SRFBP1: variants seen among roughly 807,000 people sequenced by gnomAD.
The protein encoded by SRFBP1 is serum response factor-binding protein 1.
Under a neutral mutation model 45.5 loss-of-function variants are expected in SRFBP1, and 47 were observed. The observed-to-expected ratio is 1.03, with a 90% CI of 0.82 to 1.32. SRFBP1 has a LOEUF of 1.32. Ranked by LOEUF, SRFBP1 falls within the 40% of genes most tolerant of loss-of-function variation. The probability of loss-of-function intolerance (pLI) is 0.00; values close to 1 mark genes in which losing one functional copy is unlikely to be tolerated. For missense variants in SRFBP1, 621 were observed against 484.6 expected (o/e 1.28, Z -2.64); for synonymous variants, 203 against 166.3 (o/e 1.22, Z -1.70).
intron 3 of SRFBP1, 98 bp from the exon 4 acceptor site, chr5:121,994,501 T>C: frequency 2.8e-6 from 2 of 723,062 alleles, no homozygotes; most frequent in Non-Finnish European, 4.6e-6. Context: ...AATTAAGATG[T>C]TATTTAATAT....
chr5:121,982,094 A>G (rs1752420609), intron 3 of SRFBP1, among the ~76,000 whole-genome samples: 1 of 151,944 alleles, frequency 6.6e-6, no homozygotes, highest in Admixed American at 6.6e-5. Context: ...TTGCTTATTA[A>G]GTATCAGAAA....
At chr5:121,976,015 A>C (rs988704772) in intron 3 of SRFBP1, among the ~76,000 whole-genome samples, 1 of 151,950 alleles carries the variant, frequency 6.6e-6, no homozygotes, top group African/African-American at 2.4e-5. Context: ...GAACTTAAAA[A>C]CAACATTTGG....
chr5:121,986,306 C>G (rs924961463), intron 3 of SRFBP1, among the ~76,000 whole-genome samples: 6 of 151,956 alleles, frequency 3.9e-5, no homozygotes, highest in African/African-American at 1.4e-4. Flanking sequence ...TTAGATTTAG[C>G]AGCGTGGAGA....
Position 122,020,091 on chromosome 5 carries a change from C to A in SRFBP1, c.356C>A (p.Ala119Asp). The A allele has an allele frequency of 6.5e-7, 1 of 1,543,402 alleles. No individual in the cohort carries two copies. The highest frequency in any genetic ancestry group is 1.3e-5 in the South Asian group (1 of 77,912). ...TGATGCACTGTTTCTCTTGCAGCTG[C>A]TGTACAAGCCTTTAAAGAAGCAAGA... is the stretch of plus-strand genomic sequence containing the variant. ...LKKKIDVLKAAVQAFKEARQN... is the reference protein window; with the variant it reads ...LKKKIDVLKADVQAFKEARQN... Residue 119 changes from alanine to aspartate, a missense_variant, in exon 6 of 8, where the codon GCT (alanine) becomes GAT (aspartate). Ala to Asp is a moderately radical substitution (Grantham distance 126, BLOSUM62 -2). Coordinates refer to ENST00000339397, the MANE Select transcript of SRFBP1 (RefSeq NM_152546.3).
intron 2 of SRFBP1, among the ~76,000 whole-genome samples, chr5:122,046,478 G>C (rs1451220027): frequency 6.6e-6 from 1 of 152,076 alleles, no homozygotes; most frequent in African/African-American, 2.4e-5. Flanking sequence ...CCAAGTCTTT[G>C]CTATTGTGAA....
At chr5:122,062,498 A>G (rs1426117446) in intron 2 of SRFBP1, among the ~76,000 whole-genome samples, 1 of 152,038 alleles carries the variant, frequency 6.6e-6, no homozygotes, top group African/African-American at 2.4e-5. Context: ...TGCTTGAAAC[A>G]CTGTATGCTG....
chr5:122,031,152 A>C (rs1034106243), downstream of SRFBP1, among the ~76,000 whole-genome samples: 2 of 152,216 alleles, frequency 1.3e-5, no homozygotes, highest in Non-Finnish European at 2.9e-5. Context: ...CTGTCCAATT[A>C]TTAGCACACT....
intron 2 of SRFBP1, chr5:122,065,132 G>T (rs1754265850): frequency 6.6e-6 from 1 of 152,058 alleles, no homozygotes; most frequent in South Asian, 2.1e-4. Context: ...CTACTGGTAA[G>T]CTTGTGCCCT....
intron 3 of SRFBP1, among the ~76,000 whole-genome samples, chr5:121,986,189 A>C (rs1013418002): frequency 6.6e-6 from 1 of 151,946 alleles, no homozygotes; most frequent in African/African-American, 2.4e-5. Context: ...TCAAATGAAG[A>C]TAGAGTATCA....
intron 4 of SRFBP1, among the ~76,000 whole-genome samples, chr5:122,016,705 A>G (rs1178071092): frequency 6.6e-6 from 1 of 152,186 alleles, no homozygotes; most frequent in Non-Finnish European, 1.5e-5. Flanking sequence ...GATACTAGCA[A>G]TAACCTTCCT....
At chr5:122,074,075 G>T in intron 2 of SRFBP1, 4 of 1,614,122 alleles carry the variant, frequency 2.5e-6, no homozygotes, top group Non-Finnish European at 3.4e-6. Flanking sequence ...GTGTCTTCAA[G>T]ACAGAAACTT....
Position 122,020,266 on chromosome 5 carries a change from G to A in SRFBP1, c.531G>A (p.Ala177=), listed in dbSNP as rs55708726. The A allele has an allele frequency of 0.13, 208,548 of 1,612,440 alleles. 14,177 individuals carry two copies. Among genetic ancestry groups the A allele is most frequent in the South Asian group, 0.14 (12,588 of 90,598 alleles). Residue 177 remains alanine (A), a synonymous_variant, in exon 6 of 8, where the codon GCG becomes GCA. Coordinates refer to ENST00000339397, the MANE Select transcript of SRFBP1 (RefSeq NM_152546.3). ...EQKVKETKIL[A]KKPIHNSKEK... is the part of the protein sequence containing the mutation. Reference sequence around the variant, plus strand: ...AAGTCAAAGAAACCAAAATATTGGCGAAGAAACCAATACATAATTCAAAGG... The same window carrying A: ...AAGTCAAAGAAACCAAAATATTGGCAAAGAAACCAATACATAATTCAAAGG...
rs1468900625 is a variant in SRFBP1, at chr5:122,062,716, AGTT to A, written n.312-12595_312-12593del. Among the ~76,000 whole-genome samples, 6 of 151,960 alleles carry A rather than the reference AGTT, an allele frequency of 3.9e-5. 1 individual carries two copies. The highest frequency in any genetic ancestry group is 4.1e-4 in the South Asian group (2 of 4,828). On this transcript the variant is annotated intron_variant and non_coding_transcript_variant, in intron 2 of 2. Transcript: ENST00000504881. Reference sequence around the variant, plus strand: ...ATTGTTTTTGTGGGTTAATTTTGTGAGTTGTTCCCCCAAAACACTTGCCCAAAG... The same window carrying A: ...ATTGTTTTTGTGGGTTAATTTTGTGAGTTCCCCCAAAACACTTGCCCAAAG...
At chr5:122,058,086 A>G (rs1754113041) in intron 2 of SRFBP1, among the ~76,000 whole-genome samples, 1 of 152,186 alleles carries the variant, frequency 6.6e-6, no homozygotes, top group African/African-American at 2.4e-5. Flanking sequence ...ATAAAAAATG[A>G]TGTCCATTTA....
chr5:121,971,547 G>A (rs1466787932), intron 1 of SRFBP1, among the ~76,000 whole-genome samples: 2 of 151,970 alleles, frequency 1.3e-5, no homozygotes, highest in African/African-American at 4.8e-5. Flanking sequence ...TGTCAAGCAG[G>A]AAGTTGCACA....
In SRFBP1 at chr5:121,994,355, G is replaced by A. The variant is rs1752675148; in HGVS notation, c.199-244G>A. ...GTGAGTCTTTATTATATACAGTATAGAGTTAGGTTTTGCTTTGATTCCATT... is the reference window on the plus strand; with the variant it reads ...GTGAGTCTTTATTATATACAGTATAAAGTTAGGTTTTGCTTTGATTCCATT... On this transcript the variant is annotated intron_variant, in intron 3 of 7. Transcript: ENST00000339397. Among the ~76,000 whole-genome samples, 3 of 151,834 alleles carry A rather than the reference G, an allele frequency of 2.0e-5. No individual in the cohort carries two copies. The South Asian group carries it at 6.2e-4, about 32-fold the overall frequency.
At chr5:122,026,101 G>A (rs1753474110) in intron 7 of SRFBP1, among the ~76,000 whole-genome samples, 1 of 152,126 alleles carries the variant, frequency 6.6e-6, no homozygotes, top group Admixed American at 6.5e-5. Context: ...AAAAAAAGAA[G>A]TCTTTTGACA....
chr5:121,973,615 TG>T (rs751670677), intron 1 of SRFBP1, among the ~76,000 whole-genome samples: 1,531 of 130,946 alleles, frequency 0.012, 21 homozygotes, highest in Admixed American at 0.046. Context: ...CATGTGTGTG[TG>T]GGGGGGGGGC....
At chr5:122,056,015 G>T (rs1754071400) in intron 2 of SRFBP1, among the ~76,000 whole-genome samples, 2 of 152,124 alleles carry the variant, frequency 1.3e-5, no homozygotes, top group African/African-American at 4.8e-5. Context: ...GACTCAAACT[G>T]CCCAAGAGTG....
Sources: gnomAD v4.1 joint callset for allele counts (sites outside exome capture counted in the v4.1 genomes callset) on GRCh38, gnomAD v4.1.1 for gene constraint, MANE v1.5 for transcripts, NCBI Gene and HGNC (gene_info 2026-07-23, HGNC 2026-07-21) for gene names.